The following NLRP5 variants were observed in gnomAD, a reference collection of about 807,000 sequenced individuals.
The protein encoded by NLRP5 is NACHT, LRR and PYD domains-containing protein 5.
Under a neutral mutation model 113.1 loss-of-function variants are expected in NLRP5, and 93 were observed. The observed-to-expected ratio is 0.82, with a 90% CI of 0.70 to 0.98. The LOEUF is 0.98. Among genes scored for constraint, NLRP5 ranks in the 50% least tolerant of loss-of-function variants. NLRP5 has a pLI of 0.00. For synonymous variants in NLRP5, 751 were observed against 600.7 expected (o/e 1.25, Z -3.66); for missense variants, 1,808 against 1,514.3 (o/e 1.19, Z -3.22).
chr19:56,055,703 G>T (rs1016011552), intron 13 of NLRP5, among the ~76,000 whole-genome samples: 1 of 151,266 alleles, frequency 6.6e-6, no homozygotes, highest in Admixed American at 6.6e-5. Flanking sequence ...CCGCCACCAC[G>T]CCCGGCTAAT....
At chr19:55,999,212 C>CG (rs1047561681), upstream of NLRP5, among the ~76,000 whole-genome samples, 1 of 111,714 alleles carries the variant, frequency 9.0e-6, no homozygotes, top group Non-Finnish European at 1.8e-5. Flanking sequence ...TTTTCTTTTT[C>CG]TTTTTTTTTT....
At chr19:56,024,376 TG>T (rs1199186613) in intron 6 of NLRP5, among the ~76,000 whole-genome samples, 2 of 139,172 alleles carry the variant, frequency 1.4e-5, no homozygotes, top group African/African-American at 5.4e-5. Context: ...TATATATATG[TG>T]TATATATAAC....
At chr19:56,010,014 C>T (rs1404064489) in intron 3 of NLRP5, among the ~76,000 whole-genome samples, 2 of 152,100 alleles carry the variant, frequency 1.3e-5, no homozygotes, top group African/African-American at 2.4e-5. Flanking sequence ...TATAAGTTAC[C>T]AAATGGTGGC....
chr19:56,036,595 A>G (rs560940330), intron 9 of NLRP5, among the ~76,000 whole-genome samples: 23 of 152,200 alleles, frequency 1.5e-4, no homozygotes, highest in Non-Finnish European at 3.1e-4. Context: ...ACAAGACAAA[A>G]AGAATGATGT....
rs1302549215 is a variant in NLRP5, at chr19:56,033,721, G to T, written c.2615+12G>T. 2 of 1,594,206 alleles carry T rather than the reference G, an allele frequency of 1.3e-6. No homozygotes were observed. The highest frequency in any genetic ancestry group is 2.3e-5 in the South Asian group (2 of 88,106). ...TTGGAGTCTTTGAGGTACGTCTCTG[G>T]TAGAGCTTTTGCCTTGTTTTTCTTC... On this transcript the variant is annotated intron_variant, in intron 9 of 14. Transcript: ENST00000390649.
Position 56,003,859 on chromosome 19 carries a change from T to A in NLRP5, c.206T>A (p.Leu69His), listed in dbSNP as rs1396323789. 1 of 1,613,890 alleles carries A rather than the reference T, an allele frequency of 6.2e-7. No individual in the cohort carries two copies. Among genetic ancestry groups the A allele is most frequent in the Non-Finnish European group, 8.5e-7 (1 of 1,179,908 alleles). ...TCCAGCTACGGGCTGCAATGGTGTC[T>A]CTATGAGCTAGACAAGGAAGAATTT... is the stretch of plus-strand genomic sequence containing the variant. Residue 69 changes from leucine to histidine, a missense_variant, in exon 2 of 15, where the codon CTC becomes CAC. By Grantham distance (99) the Leu-to-His change is moderately conservative. Coordinates refer to ENST00000390649, the MANE Select transcript of NLRP5 (RefSeq NM_153447.4).
At chr19:55,998,714 G>GTGTATATATATATATGTGTA (rs796632835), upstream of NLRP5, among the ~76,000 whole-genome samples, 12 of 75,994 alleles carry the variant, frequency 1.6e-4, no homozygotes, top group East Asian at 1.3e-3. Context: ...GTGTGTGTGT[G>GTGTATATATATATATGTGTA]TATATATATA....
chr19:56,040,837 G>T lies in NLRP5; in HGVS notation c.2787-85G>T, dbSNP rs1317457409. The T allele has an allele frequency of 4.3e-6, 5 of 1,175,558 alleles. No homozygotes were observed. In the South Asian group the frequency reaches 7.2e-5, roughly 17 times the overall value. The allele number at this position is 1,175,558 out of a possible 1,614,324, so 72.8% of individuals were successfully genotyped here. Reference sequence around the variant, plus strand: ...GACATGCCAACTATGGGGGTGATACGTCTTTCCCCTCCTTGTAAAGGAGGG... The same window carrying T: ...GACATGCCAACTATGGGGGTGATACTTCTTTCCCCTCCTTGTAAAGGAGGG... On this transcript the variant is annotated intron_variant, in intron 10 of 14. Coordinates refer to ENST00000390649, the MANE Select transcript of NLRP5 (RefSeq NM_153447.4).
intron 6 of NLRP5, among the ~76,000 whole-genome samples, chr19:56,021,837 A>G (rs1982627836): frequency 6.6e-6 from 1 of 152,202 alleles, no homozygotes; most frequent in Admixed American, 6.5e-5. Flanking sequence ...TATTGAAGAT[A>G]TAAAGCTAAC....
At chr19:55,990,226 C>T in the NLRP5 span, among the ~76,000 whole-genome samples, 7 of 151,310 alleles carry the variant, frequency 4.6e-5, no homozygotes, top group Admixed American at 2.6e-4. Flanking sequence ...GTAGCTGGGA[C>T]TACAGGCACA....
At position 56,019,917 on chromosome 19, in the gene NLRP5, A is replaced by G. The variant is rs1015505140; in HGVS notation, c.623-458A>G. On this transcript the variant is annotated intron_variant, in intron 5 of 14. Transcript: ENST00000390649. ...AGTGGCGGGATCTCAGCTCAGTGCA[A>G]CCTCTGCCTCCCAGGTTCAAGCGAT... Among the ~76,000 whole-genome samples, 11 of 150,948 alleles carry G rather than the reference A, an allele frequency of 7.3e-5. 1 individual carries two copies. The highest frequency in any genetic ancestry group is 1.7e-4 in the African/African-American group (7 of 40,622).
chr19:56,046,740 T>TTCACCGTGGTC, intron 11 of NLRP5, among the ~76,000 whole-genome samples: 1 of 152,230 alleles, frequency 6.6e-6, no homozygotes, highest in South Asian at 2.1e-4. Flanking sequence ...GAGACGGGGT[T>TTCACCGTGGTC]TCACCGTGGT....
intron 3 of NLRP5, among the ~76,000 whole-genome samples, chr19:56,009,541 C>T (rs1982100400): frequency 6.6e-6 from 1 of 152,016 alleles, no homozygotes; most frequent in Admixed American, 6.6e-5. Flanking sequence ...GAGCACTGAC[C>T]TCATGCCAGC....
intron 6 of NLRP5, among the ~76,000 whole-genome samples, chr19:56,024,224 C>T (rs903689063): frequency 8.6e-5 from 13 of 150,520 alleles, no homozygotes; most frequent in East Asian, 2.0e-4. Context: ...TCAGGTGGGC[C>T]GGGCACAGTG....
chr19:56,054,230 T>C (rs1984041990), intron 13 of NLRP5, among the ~76,000 whole-genome samples: 1 of 151,942 alleles, frequency 6.6e-6, no homozygotes, highest in Non-Finnish European at 1.5e-5. Flanking sequence ...AAGACAGAGC[T>C]CCAATATAGT....
intron 13 of NLRP5, among the ~76,000 whole-genome samples, chr19:56,057,135 G>A (rs1231379465): frequency 6.6e-6 from 1 of 152,118 alleles, no homozygotes; most frequent in Non-Finnish European, 1.5e-5. Flanking sequence ...GACTCAGTCT[G>A]TGCATTTTGG....
Position 56,053,451 on chromosome 19 carries a change from C to T in NLRP5, c.3129-187C>T, listed in dbSNP as rs142623097. On this transcript the variant is annotated intron_variant, in intron 12 of 14. Transcript: ENST00000390649. ...CTTCAATCACACCAGACACTTTCCC[C>T]GCCTCCGCTATCATTCCTCTCTCAA... Among the ~76,000 whole-genome samples the T allele has an allele frequency of 2.0e-3, 297 of 152,262 alleles. 1 individual carries two copies. The highest frequency in any genetic ancestry group is 3.4e-3 in the Non-Finnish European group (232 of 68,002).
At chr19:56,002,058 G>C (rs931626944) in intron 1 of NLRP5, among the ~76,000 whole-genome samples, 2 of 152,186 alleles carry the variant, frequency 1.3e-5, no homozygotes, top group African/African-American at 4.8e-5. Context: ...TCATAGACCA[G>C]GCTTCTAGAC....
At chr19:56,018,605 AAG>A (rs1298085051) in intron 4 of NLRP5, 4 of 152,156 alleles carry the variant, frequency 2.6e-5, no homozygotes, top group African/African-American at 4.8e-5. Flanking sequence ...TTCTTTTTTT[AAG>A]AGAGAGAGTT....
Sources: gnomAD v4.1 joint callset for allele counts (sites outside exome capture counted in the v4.1 genomes callset) on GRCh38, gnomAD v4.1.1 for gene constraint, MANE v1.5 for transcripts, NCBI Gene and HGNC (gene_info 2026-07-23, HGNC 2026-07-21) for gene names.